The following DENND2C variants were observed in gnomAD, a reference collection of about 807,000 sequenced individuals.
The protein encoded by DENND2C is DENN domain containing 2C.
Under a neutral mutation model 112.4 loss-of-function variants are expected in DENND2C, and 72 were observed. That is an observed-to-expected ratio of 0.64 (90% CI 0.53 to 0.78). The LOEUF is 0.78. DENND2C is among the 30% of genes least tolerant of loss of function. The probability of loss-of-function intolerance (pLI) is 0.00; values close to 1 mark genes in which losing one functional copy is unlikely to be tolerated. For missense variants in DENND2C, 992 were observed against 1,113.8 expected (o/e 0.89, Z 1.56); for synonymous variants, 329 against 381.6 (o/e 0.86, Z 1.61).
chr1:114,608,667 T>C lies in DENND2C; in HGVS notation c.1557+19A>G. 6.2e-7 allele frequency: 1 copy of C among 1,611,284 alleles called. No homozygotes were observed. The highest frequency in any genetic ancestry group is 8.5e-7 in the Non-Finnish European group (1 of 1,178,550). Reference sequence around the variant, plus strand: ...ACACAGGAACATTCCTGAATGCCTCTTGGCCTCCTTGTGCCTACCTTGCCA... The same window carrying C: ...ACACAGGAACATTCCTGAATGCCTCCTGGCCTCCTTGTGCCTACCTTGCCA... On this transcript the variant is annotated intron_variant, in intron 10 of 20. Coordinates refer to ENST00000393274, the MANE Select transcript of DENND2C (RefSeq NM_001256404.2).
chr1:114,595,583 GTTT>G, intron 17 of DENND2C: 1 of 413,398 alleles, frequency 2.4e-6, no homozygotes, highest in Middle Eastern at 6.9e-4. Flanking sequence ...TTGAAGGGTG[GTTT>G]TACCTCTTTT....
chr1:114,590,732 T>C (rs1338598054), intron 18 of DENND2C, among the ~76,000 whole-genome samples: 1 of 147,946 alleles, frequency 6.8e-6, no homozygotes, highest in African/African-American at 2.5e-5. Flanking sequence ...TGAGCCAAGA[T>C]TGCGCCACTG....
intron 1 of DENND2C, among the ~76,000 whole-genome samples, chr1:114,662,359 T>A (rs1657519492): frequency 6.6e-6 from 1 of 151,974 alleles, no homozygotes. Context: ...AAAATAACTC[T>A]CTCTCTCCCC....
intron 1 of DENND2C, among the ~76,000 whole-genome samples, chr1:114,669,546 C>G (rs1435329839): frequency 6.6e-6 from 1 of 152,128 alleles, no homozygotes; most frequent in African/African-American, 2.4e-5. Context: ...CCAAAAAAAG[C>G]AAAATATTGT....
intron 8 of DENND2C, among the ~76,000 whole-genome samples, chr1:114,613,110 A>G (rs1655868637): frequency 6.6e-6 from 1 of 152,244 alleles, no homozygotes; most frequent in Non-Finnish European, 1.5e-5. Flanking sequence ...AAATATCCAC[A>G]GGTTAAATAA....
chr1:114,596,726 T>C (rs1655352573), intron 16 of DENND2C, among the ~76,000 whole-genome samples: 1 of 152,080 alleles, frequency 6.6e-6, no homozygotes, highest in Non-Finnish European at 1.5e-5. Flanking sequence ...CTTTTACATA[T>C]GTTTAAAGTT....
At position 114,665,885 on chromosome 1, in the gene DENND2C, C is replaced by T. The variant is rs138043762; in HGVS notation, c.-574+4098G>A. Reference sequence around the variant, plus strand: ...TGAGCAATTTCATCTGCTCTTACGGCTTCAATTAACACTTACTGGCTACCT... The same window carrying T: ...TGAGCAATTTCATCTGCTCTTACGGTTTCAATTAACACTTACTGGCTACCT... On this transcript the variant is annotated intron_variant, in intron 1 of 20. Coordinates refer to ENST00000393274, the MANE Select transcript of DENND2C (RefSeq NM_001256404.2). Among the ~76,000 whole-genome samples the T allele has an allele frequency of 2.6e-5, 4 of 152,312 alleles. No homozygotes were observed. The East Asian group carries it at 7.7e-4, about 29-fold the overall frequency.
At chr1:114,652,661 CT>C (rs55647145) in intron 2 of DENND2C, among the ~76,000 whole-genome samples, 1,171 of 109,746 alleles carry the variant, frequency 0.011, 14 homozygotes, top group East Asian at 0.036. Context: ...CTTACATTTA[CT>C]TTTTTTTTTT....
rs1378595803 is a variant in DENND2C at position 114,607,719 on chromosome 1, AAGGT to A, written c.1557+963_1557+966del. ...AAAAGAATGAACAATTTTTTAAAAA[AAGGT>A]AGAGAAACCAAATATTATTGTTAAT... is the stretch of plus-strand genomic sequence containing the variant. On this transcript the variant is annotated intron_variant, in intron 10 of 20. Transcript: ENST00000393274. Among the ~76,000 whole-genome samples the A allele has an allele frequency of 4.6e-5, 7 of 152,326 alleles. No homozygotes were observed. In the East Asian group the frequency reaches 9.6e-4, roughly 21 times the overall value.
chr1:114,584,669 A>G lies in DENND2C; in HGVS notation c.*931T>C, dbSNP rs1179378942. 2.0e-5 allele frequency: 3 copies of G among 152,228 alleles called. No homozygotes were observed. The highest frequency in any genetic ancestry group is 2.1e-4 in the South Asian group (1 of 4,834). 9.4% of individuals were successfully genotyped at this position (152,228 alleles called of 1,614,324 possible). A position where few individuals can be genotyped will look rare whatever the true frequency, so the allele number is the denominator to read the frequency against. On this transcript the variant is annotated 3_prime_UTR_variant, in exon 21 of 21. Coordinates refer to ENST00000393274, the MANE Select transcript of DENND2C (RefSeq NM_001256404.2). ...GATATGCATACATATACCACAGTGC[A>G]TGGCACATGGTGGACACTAAAAAAT...
intron 2 of DENND2C, among the ~76,000 whole-genome samples, chr1:114,647,374 A>G (rs1301451473): frequency 3.4e-5 from 5 of 145,924 alleles, no homozygotes; most frequent in Admixed American, 1.4e-4. Flanking sequence ...TTTTTTTTTT[A>G]GACAGAGTCT....
At chr1:114,648,634 A>G (rs1657064639) in intron 2 of DENND2C, among the ~76,000 whole-genome samples, 2 of 152,160 alleles carry the variant, frequency 1.3e-5, no homozygotes, top group South Asian at 4.1e-4. Flanking sequence ...TGCCTACCTC[A>G]AGACAGGGAC....
At chr1:114,639,973 G>GCATAATATGTGGGACTA (rs1656778670) in intron 3 of DENND2C, among the ~76,000 whole-genome samples, 1 of 149,032 alleles carries the variant, frequency 6.7e-6, no homozygotes, top group African/African-American at 2.4e-5. Flanking sequence ...ATGTGGGACT[G>GCATAATATGTGGGACTA]CATAATATGT....
chr1:114,632,566 G>A lies in DENND2C; in HGVS notation c.-204-6378C>T, dbSNP rs946480932. Reference sequence around the variant, plus strand: ...AAATGCTTTCAGTTAAACATAAGCTGTAAAAATTTGTCAACAGCAGGCCTG... The same window carrying A: ...AAATGCTTTCAGTTAAACATAAGCTATAAAAATTTGTCAACAGCAGGCCTG... On this transcript the variant is annotated intron_variant, in intron 3 of 20. Transcript: ENST00000393274. Among the ~76,000 whole-genome samples, 11 of 152,296 alleles carry A rather than the reference G, an allele frequency of 7.2e-5. No individual in the cohort carries two copies. In the South Asian group the frequency reaches 2.3e-3, roughly 32 times the overall value.
chr1:114,602,270 A>G, intron 11 of DENND2C, 76 bp from the exon 12 acceptor site: 1 of 1,460,286 alleles, frequency 6.8e-7, no homozygotes, highest in Non-Finnish European at 9.5e-7. Context: ...AACAATTGAA[A>G]ACTAGAGTCC....
chr1:114,603,431 T>A (rs1251948371), intron 11 of DENND2C, among the ~76,000 whole-genome samples: 1 of 149,850 alleles, frequency 6.7e-6, no homozygotes, highest in Non-Finnish European at 1.5e-5. Flanking sequence ...CCTGGCCAAG[T>A]CCAATTTTTT....
intron 13 of DENND2C, among the ~76,000 whole-genome samples, chr1:114,601,177 A>G (rs1167414055): frequency 6.6e-6 from 1 of 152,196 alleles, no homozygotes; most frequent in East Asian, 1.9e-4. Flanking sequence ...AAATCAACTT[A>G]TTTTTAAAGG....
Position 114,600,923 on chromosome 1 carries a change from G to A in DENND2C, c.1853C>T (p.Pro618Leu), listed in dbSNP as rs772680237. 1.2e-6 allele frequency: 2 copies of A among 1,613,734 alleles called. No individual in the cohort carries two copies. Among genetic ancestry groups the A allele is most frequent in the East Asian group, 4.5e-5 (2 of 44,880 alleles). Reference protein sequence around the residue: ...DEVEKRREMSPALVYPFMRSV... With the variant: ...DEVEKRREMSLALVYPFMRSV... Reference sequence around the variant, plus strand: ...TCGCATGAATGGGTAAACAAGGGCTGGAGACATTTCTCTTCTCTTCTCTAC... The same window carrying A: ...TCGCATGAATGGGTAAACAAGGGCTAGAGACATTTCTCTTCTCTTCTCTAC... Residue 618 changes from proline to leucine, a missense_variant, in exon 14 of 21, where the codon CCA becomes CTA. Around this residue, in one of 3 missense-constraint regions of DENND2C, gnomAD observed 516 missense variants for 623.6 expected, o/e 0.83. Coordinates refer to ENST00000393274, the MANE Select transcript of DENND2C (RefSeq NM_001256404.2).
At chr1:114,647,649 A>C (rs760689968) in intron 2 of DENND2C, among the ~76,000 whole-genome samples, 14 of 151,734 alleles carry the variant, frequency 9.2e-5, no homozygotes, top group Non-Finnish European at 1.6e-4. Flanking sequence ...TGTGACCCCT[A>C]ACCTCAAGTG....
Sources: allele counts gnomAD v4.1 joint callset (sites outside exome capture counted in the v4.1 genomes callset), GRCh38; gene constraint gnomAD v4.1.1; regional missense constraint gnomAD v4.1.1; transcripts MANE v1.5; gene names NCBI Gene and HGNC (gene_info 2026-07-23, HGNC 2026-07-21).